The following RAPH1 variants were observed in gnomAD, a reference collection of about 807,000 sequenced individuals.
RAPH1 encodes Ras association (RalGDS/AF-6) and pleckstrin homology domains 1.
In RAPH1, 18 loss-of-function variants were observed where a neutral mutation model predicts 88.1. The ratio of observed to expected loss-of-function variants is 0.20; its 90% CI spans 0.14 to 0.30. The LOEUF (loss-of-function observed/expected upper bound fraction) is 0.30, where lower values mean the gene tolerates loss of function less well. RAPH1 is among the 10% of genes least tolerant of loss of function. The probability of loss-of-function intolerance (pLI) is 1.00; values close to 1 mark genes in which losing one functional copy is unlikely to be tolerated. For synonymous variants in RAPH1, 587 were observed against 559.0 expected (o/e 1.05, Z -0.71); for missense variants, 1,448 against 1,543.2 (o/e 0.94, Z 1.03).
chr2:203,477,898 T>C (rs1397095119), intron 4 of RAPH1, among the ~76,000 whole-genome samples: 2 of 152,210 alleles, frequency 1.3e-5, no homozygotes, highest in Non-Finnish European at 2.9e-5. Flanking sequence ...ATTCCCTTAA[T>C]TCATGCTAGA....
chr2:203,491,252 G>C lies in RAPH1; in HGVS notation c.188C>G (p.Ala63Gly). Residue 63 changes from alanine to glycine, a missense_variant, in exon 3 of 14, where the codon GCC (alanine) becomes GGC (glycine). Ala to Gly is a moderately conservative substitution (Grantham distance 60, BLOSUM62 0). Around this residue, in one of 2 missense-constraint regions of RAPH1, gnomAD observed 513 missense variants for 653.1 expected, o/e 0.79. Coordinates refer to ENST00000319170, the MANE Select transcript of RAPH1 (RefSeq NM_213589.3). Reference protein sequence around the residue: ...RSPLRQETNMANFSYRFSIYN... With the variant: ...RSPLRQETNMGNFSYRFSIYN... The stretch of plus-strand genomic sequence containing the variant: ...TATGGAGAAGCGGTAAGAAAAGTTG[G>C]CCATGTTTGTTTCCTGGCGAAGAGG... 6.2e-7 allele frequency: 1 copy of C among 1,613,144 alleles called. No homozygotes were observed. Among genetic ancestry groups the C allele is most frequent in the Non-Finnish European group, 8.5e-7 (1 of 1,179,448 alleles).
intron 1 of RAPH1, among the ~76,000 whole-genome samples, chr2:203,524,724 GA>G (rs1690038817): frequency 1.3e-5 from 2 of 152,240 alleles, no homozygotes; most frequent in South Asian, 4.2e-4. Flanking sequence ...GGTAGAGGGG[GA>G]CAAATTACAA....
chr2:203,524,339 A>G (rs1167657466), intron 1 of RAPH1, among the ~76,000 whole-genome samples: 2 of 152,206 alleles, frequency 1.3e-5, no homozygotes, highest in Non-Finnish European at 2.9e-5. Context: ...ATATAAAATG[A>G]TACAACTTTG....
chr2:203,457,178 T>A (rs924440221), intron 8 of RAPH1, among the ~76,000 whole-genome samples: 11 of 151,372 alleles, frequency 7.3e-5, no homozygotes, highest in African/African-American at 1.9e-4. Flanking sequence ...TATTTTATTT[T>A]ATTTATTTAT....
intron 2 of RAPH1, among the ~76,000 whole-genome samples, chr2:203,492,855 T>C (rs1688332755): frequency 1.3e-5 from 2 of 152,082 alleles, no homozygotes; most frequent in Non-Finnish European, 2.9e-5. Flanking sequence ...TTGCTGAGAA[T>C]TTTATAAAAG....
At chr2:203,500,430 G>C (rs1381161762) in intron 1 of RAPH1, among the ~76,000 whole-genome samples, 1 of 152,212 alleles carries the variant, frequency 6.6e-6, no homozygotes, top group South Asian at 2.1e-4. Context: ...AATGAGGCTA[G>C]AGAGGAGGAA....
chr2:203,458,333 CCTGGGCAACAGAGCGA>C (rs1421838757), intron 7 of RAPH1, among the ~76,000 whole-genome samples: 2 of 152,052 alleles, frequency 1.3e-5, no homozygotes, highest in Non-Finnish European at 2.9e-5. Flanking sequence ...CTGACTCCAG[CCTGGGCAACAGAGCGA>C]GACTCCATCT....
At chr2:203,486,598 G>T (rs1687984796) in intron 4 of RAPH1, among the ~76,000 whole-genome samples, 1 of 152,218 alleles carries the variant, frequency 6.6e-6, no homozygotes, top group African/African-American at 2.4e-5. Flanking sequence ...CTTACCTCTG[G>T]AAGCAGAATA....
intron 1 of RAPH1, among the ~76,000 whole-genome samples, chr2:203,532,582 T>C (rs1690438329): frequency 6.6e-6 from 1 of 152,234 alleles, no homozygotes; most frequent in South Asian, 2.1e-4. Flanking sequence ...TTTTCTCAAA[T>C]AATAGACTCT....
intron 4 of RAPH1, among the ~76,000 whole-genome samples, chr2:203,480,100 A>G (rs1687653662): frequency 6.6e-6 from 1 of 152,240 alleles, no homozygotes; most frequent in African/African-American, 2.4e-5. Flanking sequence ...GTGTTTGATA[A>G]AAACTTTCTA....
At position 203,439,967 on chromosome 2, in the gene RAPH1, G is replaced by A; in HGVS notation, c.3223C>T (p.Pro1075Ser). Residue 1075 changes from proline (P) to serine (S), a missense_variant, in exon 14 of 14, where the codon CCC becomes TCC. Around this residue, in one of 2 missense-constraint regions of RAPH1, gnomAD observed 935 missense variants for 890.1 expected, o/e 1.05. Coordinates refer to ENST00000319170, the MANE Select transcript of RAPH1 (RefSeq NM_213589.3). ...GGAAGCTCTGTTTCAGGTGGAGGGG[G>A]TGGAAAATCAGAATCGGATGGAGGA... is the stretch of plus-strand genomic sequence containing the variant. The part of the protein sequence containing the change: ...PSPPSDSDFP[P>S]PPPETELPLP... 1.2e-6 allele frequency: 2 copies of A among 1,613,802 alleles called. No individual in the cohort carries two copies. The highest frequency in any genetic ancestry group is 1.1e-5 in the South Asian group (1 of 91,064).
At chr2:203,506,891 T>TATAG (rs1689108004) in intron 1 of RAPH1, among the ~76,000 whole-genome samples, 1 of 114,138 alleles carries the variant, frequency 8.8e-6, no homozygotes, top group Non-Finnish European at 1.7e-5. Context: ...GATATATATA[T>TATAG]ATATATATTT....
chr2:203,534,505 T>TCCCCCCCCCCCCCCCCCCCCC (rs1486665508), intron 1 of RAPH1, among the ~76,000 whole-genome samples: 2 of 7,412 alleles, frequency 2.7e-4, no homozygotes, highest in African/African-American at 2.8e-4. Flanking sequence ...CCTCCCTCCG[T>TCCCCCCCCCCCCCCCCCCCCC]CCACCCCCCC....
chr2:203,533,364 C>G (rs1486164155), intron 1 of RAPH1: 4 of 152,192 alleles, frequency 2.6e-5, no homozygotes, highest in Admixed American at 6.5e-5. Context: ...TTTGTACTTA[C>G]TTGAGTAGGG....
chr2:203,470,586 T>C (rs1289144153), intron 4 of RAPH1, among the ~76,000 whole-genome samples: 2 of 152,242 alleles, frequency 1.3e-5, no homozygotes, highest in Non-Finnish European at 2.9e-5. Context: ...GGGTAGTACA[T>C]GCAGACTGCA....
At position 203,440,937 on chromosome 2, in the gene RAPH1, T is replaced by A; in HGVS notation, c.2253A>T (p.Gln751His). The A allele has an allele frequency of 6.4e-7, 1 of 1,565,704 alleles. No homozygotes were observed. The highest frequency in any genetic ancestry group is 1.2e-5 in the South Asian group (1 of 83,032). The change falls in exon 14 of 14, where the codon CAA becomes CAT. Residue 751 changes from glutamine (Q) to histidine (H), a missense_variant. By Grantham distance (24) the Gln-to-His change is conservative. Coordinates refer to ENST00000319170, the MANE Select transcript of RAPH1 (RefSeq NM_213589.3). ...SAPPPPLKIHQVQHITQVAPP... is the reference protein window; with the variant it reads ...SAPPPPLKIHHVQHITQVAPP... ...GAGCCACCTGAGTAATATGCTGAAC[T>A]TGATGGATCTTCAGTGGAGGAGGCG...
intron 1 of RAPH1, among the ~76,000 whole-genome samples, chr2:203,516,220 C>T (rs987894816): frequency 5.9e-5 from 9 of 151,916 alleles, no homozygotes; most frequent in Admixed American, 5.3e-4. Context: ...ATGTAAATTG[C>T]AAAGTCTTGG....
In RAPH1 at chr2:203,436,127, T is replaced by C. The variant is rs372450349; in HGVS notation, c.*3310A>G. ...GTTTTCAGTGACAAGAAAACATACA[T>C]GGAAAGGGGACCCAAGACAGTTCAC... is the stretch of plus-strand genomic sequence containing the variant. On this transcript the variant is annotated 3_prime_UTR_variant, in exon 14 of 14. Coordinates refer to ENST00000319170, the MANE Select transcript of RAPH1 (RefSeq NM_213589.3). 3.9e-5 allele frequency: 6 copies of C among 152,200 alleles called. No individual in the cohort carries two copies. The highest frequency in any genetic ancestry group is 1.2e-4 in the African/African-American group (5 of 41,438). The allele number at this position is 152,200 out of a possible 1,614,324, so 9.4% of individuals were successfully genotyped here.
At position 203,441,258 on chromosome 2, in the gene RAPH1, GGGTGGTGGA is replaced by G. The variant is rs1449536205; in HGVS notation, c.1923_1931del (p.Pro646_Pro648del). 7.7e-7 allele frequency: 1 copy of G among 1,293,610 alleles called. No individual in the cohort carries two copies. Among genetic ancestry groups the G allele is most frequent in the African/African-American group, 1.5e-5 (1 of 65,118 alleles). 80.1% of individuals were successfully genotyped at this position (1,293,610 alleles called of 1,614,324 possible). A position where few individuals can be genotyped will look rare whatever the true frequency, so the allele number is the denominator to read the frequency against. ...ACTGGCTGGGGAGTGGGGGAGGAGG[GGGTGGTGGA>G]GGGGGTGGTGGAGGAGGAGGTGGGG... is the stretch of plus-strand genomic sequence containing the variant. On this transcript the variant is annotated inframe_deletion, in exon 14 of 14. Transcript: ENST00000319170.
Sources: allele counts gnomAD v4.1 joint callset (sites outside exome capture counted in the v4.1 genomes callset), GRCh38; gene constraint gnomAD v4.1.1; regional missense constraint gnomAD v4.1.1; transcripts MANE v1.5; gene names NCBI Gene and HGNC (gene_info 2026-07-23, HGNC 2026-07-21).